Variants in KDM6A observed in about 807,000 individuals in gnomAD.
The protein encoded by KDM6A is lysine demethylase 6A, also known as lysine-specific demethylase 6A.
In KDM6A, 11 loss-of-function variants were observed where a neutral mutation model predicts 117.6. The observed-to-expected ratio is 0.09, with a 90% CI of 0.06 to 0.15. The LOEUF (loss-of-function observed/expected upper bound fraction) is 0.15, where lower values mean the gene tolerates loss of function less well. Ranked by LOEUF, KDM6A falls within the 10% of genes least tolerant of loss-of-function variation. KDM6A has a pLI of 1.00. For synonymous variants in KDM6A, 384 were observed against 396.1 expected, an observed-to-expected ratio of 0.97 and a Z score of 0.36; for missense variants, 799 against 1,077.3, an observed-to-expected ratio of 0.74 and a Z score of 3.62.
At position 45,101,438 on chromosome X, in the gene KDM6A, A is replaced by G. The variant is rs754513881; in HGVS notation, c.4035-5972A>G. Among the ~76,000 whole-genome samples the G allele has an allele frequency of 4.5e-5, 5 of 111,084 alleles. No homozygotes were observed. In the South Asian group the frequency reaches 1.5e-3, roughly 34 times the overall value. The stretch of plus-strand genomic sequence containing the variant: ...TTTTTTAATTAATATTCTTGGACCT[A>G]GTGTAGTGCTTCTCAAATGTGGACA... On this transcript the variant is annotated intron_variant, in intron 27 of 29. Transcript: ENST00000611820.
chrX:45,002,970 T>C (rs1010328112), intron 4 of KDM6A, among the ~76,000 whole-genome samples: 1 of 106,386 alleles, frequency 9.4e-6, no homozygotes, highest in African/African-American at 3.4e-5. Flanking sequence ...GTTACACTGT[T>C]AATTTTTAGC....
chrX:45,027,011 A>C (rs2042395328), intron 6 of KDM6A, among the ~76,000 whole-genome samples: 1 of 111,294 alleles, frequency 9.0e-6, no homozygotes, highest in South Asian at 3.7e-4. Context: ...GAAGATAATG[A>C]AAGTTTAGGG....
At chrX:44,878,484 A>G (rs2031907005) in intron 2 of KDM6A, among the ~76,000 whole-genome samples, 1 of 112,136 alleles carries the variant, frequency 8.9e-6, no homozygotes. Context: ...TTAATTTTTT[A>G]CGTGGACAAA....
chrX:44,929,160 G>A (rs1393627318), intron 2 of KDM6A, among the ~76,000 whole-genome samples: 1 of 109,824 alleles, frequency 9.1e-6, no homozygotes, highest in Non-Finnish European at 1.9e-5. Context: ...TCAATCTCTT[G>A]ACCTTGTGAT....
At chrX:45,103,252 G>A (rs985343897) in intron 27 of KDM6A, among the ~76,000 whole-genome samples, 18 of 110,901 alleles carry the variant, frequency 1.6e-4, no homozygotes, top group Middle Eastern at 4.6e-3. Flanking sequence ...AACGTCATGC[G>A]AAGATTAAAA....
chrX:44,981,680 C>CA (rs761784789), intron 4 of KDM6A, among the ~76,000 whole-genome samples: 120 of 111,744 alleles, frequency 1.1e-3, no homozygotes, highest in Middle Eastern at 4.7e-3. Flanking sequence ...GACCAGCCCC[C>CA]ATCCTGAAGC....
At chrX:45,027,101 A>G (rs1331596631) in intron 6 of KDM6A, among the ~76,000 whole-genome samples, 2 of 109,819 alleles carry the variant, frequency 1.8e-5, no homozygotes, top group Non-Finnish European at 3.8e-5. Flanking sequence ...CTGAGGTCAG[A>G]AGTTTGAGAG....
chrX:44,911,247 G>A (rs1417897076), intron 2 of KDM6A, among the ~76,000 whole-genome samples: 5 of 103,807 alleles, frequency 4.8e-5, no homozygotes, highest in South Asian at 4.4e-4. Flanking sequence ...GCTGCCGGGC[G>A]GAGGGGCTCC....
chrX:44,938,259 C>T, intron 2 of KDM6A, among the ~76,000 whole-genome samples: 1 of 111,541 alleles, frequency 9.0e-6, no homozygotes, highest in Non-Finnish European at 1.9e-5. Flanking sequence ...CGCACCTGAC[C>T]GAAAACATTC....
At chrX:44,938,116 C>T (rs1009403058) in intron 2 of KDM6A, among the ~76,000 whole-genome samples, 29 of 111,720 alleles carry the variant, frequency 2.6e-4, no homozygotes, top group African/African-American at 8.8e-4. Context: ...GCTGGGATGA[C>T]AGGTACCCAG....
intron 27 of KDM6A, 40 bp from the exon 28 acceptor site, chrX:45,107,370 A>T (rs763196379): frequency 1.7e-6 from 2 of 1,177,177 alleles, no homozygotes; most frequent in South Asian, 3.6e-5. Context: ...AATATTCAAT[A>T]TTCAGTTGCT....
At chrX:44,876,347 G>C (rs1039066607) in intron 2 of KDM6A, among the ~76,000 whole-genome samples, 2 of 112,025 alleles carry the variant, frequency 1.8e-5, no homozygotes, top group African/African-American at 3.2e-5. Flanking sequence ...TCTGAATGAA[G>C]TGAATGAGCT....
intron 27 of KDM6A, among the ~76,000 whole-genome samples, chrX:45,102,755 T>C (rs2046379246): frequency 8.9e-6 from 1 of 112,199 alleles, no homozygotes; most frequent in Non-Finnish European, 1.9e-5. Flanking sequence ...TCATGCTTTT[T>C]TCCCCCCATC....
chrX:44,901,863 T>A (rs2034370492), intron 2 of KDM6A, among the ~76,000 whole-genome samples: 1 of 112,470 alleles, frequency 8.9e-6, no homozygotes, highest in African/African-American at 3.2e-5. Flanking sequence ...ATCCTTTTAG[T>A]TTCAACCTAT....
intron 8 of KDM6A, among the ~76,000 whole-genome samples, chrX:45,047,876 G>A (rs2043642997): frequency 9.3e-6 from 1 of 107,295 alleles, no homozygotes; most frequent in Admixed American, 1.0e-4. Context: ...ATTATCTACA[G>A]GGCTAGGCGC....
rs1193693723 is a variant in KDM6A at position 45,037,172 on chromosome X, TA to T, written c.620-479del. 3.0e-3 allele frequency among the ~76,000 whole-genome samples: 334 copies of T among 112,711 alleles called. 2 individuals carry two copies. The highest frequency in any genetic ancestry group is 0.01 in the African/African-American group (321 of 31,096). ...AACACCAGGCTCCTTATTGTCTTTG[TA>T]AAACTTATTTTTCTTTGAATTTTTA... is the stretch of plus-strand genomic sequence containing the variant. On this transcript the variant is annotated intron_variant, in intron 7 of 29. Coordinates refer to ENST00000611820, the MANE Select transcript of KDM6A (RefSeq NM_001291415.2).
At chrX:45,061,580 G>A (rs1268358595) in intron 15 of KDM6A, among the ~76,000 whole-genome samples, 161 bp downstream of exon 15, 3 of 98,406 alleles carry the variant, frequency 3.0e-5, no homozygotes, top group Admixed American at 1.2e-4. Flanking sequence ...CAACCTCCGC[G>A]TCCTGTGTTA....
intron 3 of KDM6A, among the ~76,000 whole-genome samples, chrX:44,964,023 TTGACCTCAAA>T (rs2038874762): frequency 9.0e-6 from 1 of 110,795 alleles, no homozygotes; most frequent in Non-Finnish European, 1.9e-5. Context: ...GCCCGGCCTT[TTGACCTCAAA>T]TGTTCTTAAT....
chrX:44,964,861 T>G (rs1384163401), intron 3 of KDM6A, among the ~76,000 whole-genome samples: 1 of 112,327 alleles, frequency 8.9e-6, no homozygotes, highest in Non-Finnish European at 1.9e-5. Flanking sequence ...TTTGAAACTT[T>G]GAAGCCAGAT....
Sources: gnomAD v4.1 joint callset for allele counts (sites outside exome capture counted in the v4.1 genomes callset) on GRCh38, gnomAD v4.1.1 for gene constraint, MANE v1.5 for transcripts, NCBI Gene and HGNC (gene_info 2026-07-23, HGNC 2026-07-21) for gene names.